The following GTF2H3 variants were observed in gnomAD, a reference collection of about 807,000 sequenced individuals.
The protein encoded by GTF2H3 is general transcription factor IIH subunit 3.
A neutral mutation model predicts 51.1 loss-of-function variants in GTF2H3; 42 were observed. The observed-to-expected ratio is 0.82, with a 90% CI of 0.64 to 1.06. The LOEUF (loss-of-function observed/expected upper bound fraction) is 1.06. Among genes scored for constraint, GTF2H3 ranks in the 50% least tolerant of loss-of-function variants. The pLI is 0.00. For missense variants in GTF2H3, 326 were observed against 366.1 expected (o/e 0.89, Z 0.89); for synonymous variants, 123 against 123.8 (o/e 0.99, Z 0.04).
chr12:123,640,372 T>A (rs1955352589), intron 2 of GTF2H3, among the ~76,000 whole-genome samples: 1 of 151,004 alleles, frequency 6.6e-6, no homozygotes, highest in Non-Finnish European at 1.5e-5. Context: ...GTTTTGCTCT[T>A]GTTGCCCAGG....
intron 5 of GTF2H3, among the ~76,000 whole-genome samples, chr12:123,651,472 A>G (rs936825959): frequency 6.6e-6 from 1 of 151,870 alleles, no homozygotes; most frequent in Admixed American, 6.6e-5. Context: ...CGGCCTCTCA[A>G]AGTGCTGGGA....
At chr12:123,658,724 C>G (rs575082108) in intron 9 of GTF2H3, among the ~76,000 whole-genome samples, 1 of 152,242 alleles carries the variant, frequency 6.6e-6, no homozygotes, top group Admixed American at 6.5e-5. Flanking sequence ...GAAAACAAAT[C>G]TCATAAAAAT....
Position 123,650,871 on chromosome 12 carries a change from G to C in GTF2H3, c.365-123G>C, listed in dbSNP as rs375177211. On this transcript the variant is annotated intron_variant, in intron 4 of 12. Coordinates refer to ENST00000543341, the MANE Select transcript of GTF2H3 (RefSeq NM_001516.5). ...TTTAAACCTAGTTTGAAAATGTCTT[G>C]TTTGATTTCATTTATGAAGAATGCT... The C allele has an allele frequency of 7.7e-6, 5 of 647,484 alleles. 1 individual carries two copies. 40.1% of individuals were successfully genotyped at this position (647,484 alleles called of 1,614,324 possible). A position where few individuals can be genotyped will look rare whatever the true frequency, so the allele number is the denominator to read the frequency against.
At position 123,639,334 on chromosome 12, in the gene GTF2H3, G is replaced by A. The variant is rs200874216; in HGVS notation, c.84G>A (p.Lys28=). Residue 28 remains lysine (K), a synonymous_variant, in exon 2 of 13, where the codon AAG becomes AAA. Transcript: ENST00000543341. ...NPIWWGKQAL[K]ESQFTLSKCI... is the part of the protein sequence containing the mutation. Reference sequence around the variant, plus strand: ...TTTGGTGGGGAAAGCAAGCATTAAAGGAATCTCAGGTAAGACTGCTTGAGG... The same window carrying A: ...TTTGGTGGGGAAAGCAAGCATTAAAAGAATCTCAGGTAAGACTGCTTGAGG... The A allele has an allele frequency of 1.3e-6, 2 of 1,557,800 alleles. No individual in the cohort carries two copies. The highest frequency in any genetic ancestry group is 4.5e-5 in the East Asian group (2 of 44,634).
intron 1 of GTF2H3, among the ~76,000 whole-genome samples, chr12:123,638,221 C>A (rs1376316370): frequency 6.6e-6 from 1 of 151,486 alleles, no homozygotes; most frequent in Admixed American, 6.6e-5. Context: ...TGCAGTGGTG[C>A]AATCTTGGCT....
intron 1 of GTF2H3, among the ~76,000 whole-genome samples, chr12:123,638,299 C>T (rs1397945010): frequency 6.6e-6 from 1 of 151,952 alleles, no homozygotes; most frequent in Admixed American, 6.6e-5. Flanking sequence ...GCTGGGATTA[C>T]AGGTGCTTGC....
At position 123,643,894 on chromosome 12, in the gene GTF2H3, G is replaced by A. The variant is rs536609838; in HGVS notation, c.94-1561G>A. On this transcript the variant is annotated intron_variant, in intron 2 of 12. Transcript: ENST00000543341. ...CACCCAGGCTAGAGTGCAGTGGCAC[G>A]ATCTCAGCTCACTGCAGCCTCCACC... Among the ~76,000 whole-genome samples, 274 of 152,198 alleles carry A rather than the reference G, an allele frequency of 1.8e-3. 1 individual carries two copies. The highest frequency in any genetic ancestry group is 6.8e-3 in the Middle Eastern group (2 of 294).
At chr12:123,656,948 CATG>C (rs994358358) in intron 9 of GTF2H3, among the ~76,000 whole-genome samples, 1 of 152,168 alleles carries the variant, frequency 6.6e-6, no homozygotes, top group Admixed American at 6.6e-5. Context: ...ATTAGCCTAT[CATG>C]GTGGTGCACG....
intron 4 of GTF2H3, chr12:123,649,789 G>A (rs1955497436): frequency 6.6e-6 from 1 of 152,218 alleles, no homozygotes; most frequent in Non-Finnish European, 1.5e-5. Flanking sequence ...TAGGGTAATG[G>A]AGACTGTTCT....
chr12:123,657,614 A>G (rs903790607), intron 9 of GTF2H3, among the ~76,000 whole-genome samples: 11 of 152,182 alleles, frequency 7.2e-5, no homozygotes, highest in African/African-American at 2.2e-4. Context: ...ATTTTTCTTC[A>G]TAGAAATGAT....
rs1288085822 is a variant in GTF2H3, at chr12:123,652,733, T to C, written c.484T>C (p.Leu162=). ...CAATCAGGAAATGAAATCAAGGATA[T>C]TGGTAAGATAAAAAAATCATTACTT... ...KDNQEMKSRI[L]VIKAAEDSAL... is the part of the protein sequence containing the mutation. The change falls in exon 7 of 13, where the codon TTG becomes CTG. Residue 162 remains leucine (L), a splice_region_variant and synonymous_variant. Transcript: ENST00000543341. 1 of 1,495,440 alleles carries C rather than the reference T, an allele frequency of 6.7e-7. No homozygotes were observed. Among genetic ancestry groups the C allele is most frequent in the Admixed American group, 2.2e-5 (1 of 45,430 alleles). The allele number at this position is 1,495,440 out of a possible 1,614,324, so 92.6% of individuals were successfully genotyped here. A position where few individuals can be genotyped will look rare whatever the true frequency, so the allele number is the denominator to read the frequency against.
At chr12:123,644,938 T>C (rs1415011912) in intron 2 of GTF2H3, among the ~76,000 whole-genome samples, 1 of 152,240 alleles carries the variant, frequency 6.6e-6, no homozygotes, top group Non-Finnish European at 1.5e-5. Flanking sequence ...AATATTGTAC[T>C]GATGTAGAAA....
At chr12:123,653,439 A>G (rs1955544130) in intron 7 of GTF2H3, among the ~76,000 whole-genome samples, 1 of 151,936 alleles carries the variant, frequency 6.6e-6, no homozygotes, top group Non-Finnish European at 1.5e-5. Context: ...AGGCGGGTGG[A>G]TCACGAGGTC....
chr12:123,641,149 C>G (rs1454371157), intron 2 of GTF2H3, among the ~76,000 whole-genome samples: 1 of 151,134 alleles, frequency 6.6e-6, no homozygotes, highest in Non-Finnish European at 1.5e-5. Context: ...AAGACCCCGT[C>G]TCAAAAAATA....
Position 123,633,885 on chromosome 12 carries a change from C to G in GTF2H3, c.13+13C>G, listed in dbSNP as rs778042487. 4.3e-6 allele frequency: 7 copies of G among 1,613,102 alleles called. No homozygotes were observed. The African/African-American group carries it at 9.3e-5, about 22-fold the overall frequency. On this transcript the variant is annotated intron_variant, in intron 1 of 12. Coordinates refer to ENST00000543341, the MANE Select transcript of GTF2H3 (RefSeq NM_001516.5). ...ATGGTTTCAGACGGTGAGGACCCTG[C>G]AGGGCGGGACTTCGACTCCGGGGCT...
intron 9 of GTF2H3, 79 bp downstream of exon 9, chr12:123,655,903 G>T: frequency 2.2e-6 from 2 of 904,930 alleles, no homozygotes; most frequent in South Asian, 1.5e-5. Context: ...TAAAATGAAA[G>T]CTTTGGGTAT....
At chr12:123,652,904 C>T (rs1955536840) in intron 7 of GTF2H3, among the ~76,000 whole-genome samples, 169 bp downstream of exon 7, 1 of 151,934 alleles carries the variant, frequency 6.6e-6, no homozygotes, top group South Asian at 2.1e-4. Context: ...ATGGTGAAAC[C>T]CCGTCTCTAC....
intron 2 of GTF2H3, among the ~76,000 whole-genome samples, chr12:123,642,571 C>T (rs1357041319): frequency 6.6e-6 from 1 of 152,172 alleles, no homozygotes; most frequent in Non-Finnish European, 1.5e-5. Flanking sequence ...ATTCGACCCA[C>T]AACAGTTGCT....
At chr12:123,659,693 A>G (rs1282848727) in intron 10 of GTF2H3, 102 bp from the exon 11 acceptor site, 2 of 1,448,526 alleles carry the variant, frequency 1.4e-6, no homozygotes, top group Non-Finnish European at 9.7e-7. Context: ...GGAGAAGGGA[A>G]TAAATGGAGG....
Sources: gnomAD v4.1 joint callset for allele counts (sites outside exome capture counted in the v4.1 genomes callset) on GRCh38, gnomAD v4.1.1 for gene constraint, MANE v1.5 for transcripts, NCBI Gene and HGNC (gene_info 2026-07-23, HGNC 2026-07-21) for gene names.